Variants in MYO1H observed in about 807,000 individuals in gnomAD.
MYO1H encodes the protein unconventional myosin-Ih.
A neutral mutation model predicts 149.3 loss-of-function variants in MYO1H; 118 were observed. The observed-to-expected ratio is 0.79, with a 90% CI of 0.68 to 0.92. MYO1H has a LOEUF of 0.92. Among genes scored for constraint, MYO1H ranks in the 40% least tolerant of loss-of-function variants. MYO1H has a pLI of 0.00. For synonymous variants in MYO1H, 447 were observed against 465.2 expected (o/e 0.96, Z 0.50); for missense variants, 1,212 against 1,280.7 (o/e 0.95, Z 0.82).
In MYO1H at chr12:109,409,954, T is replaced by C. The variant is rs1366933856; in HGVS notation, c.1224-9T>C. 1 of 1,431,878 alleles carries C rather than the reference T, an allele frequency of 7.0e-7. No individual in the cohort carries two copies. Among genetic ancestry groups the C allele is most frequent in the Non-Finnish European group, 9.4e-7 (1 of 1,065,988 alleles). The allele number at this position is 1,431,878 out of a possible 1,614,324, so 88.7% of individuals were successfully genotyped here. ...TAACTTTAGTTACTTAAATCTTTTG[T>C]ATCTCTAGTTTTGAACAGTTCTGTA... On this transcript the variant is annotated splice_polypyrimidine_tract_variant and intron_variant, in intron 11 of 31. Transcript: ENST00000310903.
chr12:109,380,119 T>G (rs1869173438), intron 1 of MYO1H, among the ~76,000 whole-genome samples: 1 of 152,110 alleles, frequency 6.6e-6, no homozygotes, highest in Admixed American at 6.6e-5. Flanking sequence ...GGTTTCAAAC[T>G]CCTGGCCTCG....
chr12:109,407,967 A>AATC (rs201603477), intron 10 of MYO1H, 54 bp downstream of exon 10: 2 of 1,522,122 alleles, frequency 1.3e-6, no homozygotes, highest in African/African-American at 1.9e-5. Flanking sequence ...GATGTTTTAT[A>AATC]ATCATCGTTT....
intron 14 of MYO1H, among the ~76,000 whole-genome samples, chr12:109,413,631 C>T (rs907960746): frequency 6.6e-6 from 1 of 152,108 alleles, no homozygotes; most frequent in Non-Finnish European, 1.5e-5. Context: ...ATACTGTGGC[C>T]GAGCGTGCTG....
At chr12:109,378,996 C>T (rs775190796) in intron 1 of MYO1H, among the ~76,000 whole-genome samples, 1 of 152,160 alleles carries the variant, frequency 6.6e-6, no homozygotes, top group Non-Finnish European at 1.5e-5. Context: ...ATGTCTTTTC[C>T]ATTCCTTACT....
At chr12:109,429,528 TAG>T (rs922912830) in intron 19 of MYO1H, among the ~76,000 whole-genome samples, 25 of 152,330 alleles carry the variant, frequency 1.6e-4, no homozygotes, top group African/African-American at 6.0e-4. Flanking sequence ...ATAAGTAATT[TAG>T]AGATGATTTA....
chr12:109,339,382 A>G, the MYO1H span, among the ~76,000 whole-genome samples: 4 of 152,194 alleles, frequency 2.6e-5, no homozygotes, highest in Non-Finnish European at 4.4e-5. Flanking sequence ...AAAAATAAAA[A>G]TAAGTTAACA....
At chr12:109,431,954 A>T (rs1280177831) in intron 19 of MYO1H, among the ~76,000 whole-genome samples, 1 of 148,160 alleles carries the variant, frequency 6.7e-6, no homozygotes, top group Non-Finnish European at 1.5e-5. Context: ...AGTAGCTGGG[A>T]CTACAGCCGC....
chr12:109,441,423 C>T (rs532787679), intron 25 of MYO1H, among the ~76,000 whole-genome samples, 192 bp from the exon 26 acceptor site: 1 of 152,108 alleles, frequency 6.6e-6, no homozygotes, highest in East Asian at 1.9e-4. Flanking sequence ...GAAACGTCAA[C>T]CCAGTCTCTA....
chr12:109,415,227 A>C (rs1870852349), intron 14 of MYO1H, among the ~76,000 whole-genome samples: 1 of 152,120 alleles, frequency 6.6e-6, no homozygotes, highest in Non-Finnish European at 1.5e-5. Flanking sequence ...CTGTAATCCC[A>C]GCACTTTGGT....
intron 31 of MYO1H, chr12:109,446,185 C>T (rs527987840): frequency 1.0e-6 from 1 of 984,958 alleles, no homozygotes; most frequent in South Asian, 4.7e-5. Context: ...GGTTTGGGAA[C>T]CATGGCTACG....
chr12:109,442,984 T>C (rs1166007233), intron 27 of MYO1H, among the ~76,000 whole-genome samples: 1 of 123,152 alleles, frequency 8.1e-6, no homozygotes, highest in East Asian at 2.1e-4. Context: ...ATCCCCATCA[T>C]GCAGAGAGCC....
chr12:109,363,742 G>A (rs564644754), intron 1 of MYO1H, among the ~76,000 whole-genome samples: 1 of 152,130 alleles, frequency 6.6e-6, no homozygotes, highest in Non-Finnish European at 1.5e-5. Flanking sequence ...CGTCTTGCTG[G>A]CCAGTCCCAC....
chr12:109,351,498 TAAA>T (rs1868460224), intron 1 of MYO1H, among the ~76,000 whole-genome samples: 1 of 152,230 alleles, frequency 6.6e-6, no homozygotes, highest in South Asian at 2.1e-4. Context: ...AAAAGCCATC[TAAA>T]AGATTAGACA....
At chr12:109,411,810 T>C (rs1870688081) in intron 13 of MYO1H, 84 bp from the exon 14 acceptor site, 3 of 970,500 alleles carry the variant, frequency 3.1e-6, no homozygotes, top group Non-Finnish European at 4.7e-6. Flanking sequence ...TCCAGTACTT[T>C]CTGTTCCAGC....
At chr12:109,372,007 C>CT (rs901663279) in intron 1 of MYO1H, among the ~76,000 whole-genome samples, 2 of 151,988 alleles carry the variant, frequency 1.3e-5, no homozygotes, top group African/African-American at 4.8e-5. Context: ...GGGTGTTGGA[C>CT]TTTTATTGAT....
At chr12:109,399,932 C>T (rs1200313097) in intron 5 of MYO1H, among the ~76,000 whole-genome samples, 3 of 152,064 alleles carry the variant, frequency 2.0e-5, no homozygotes, top group Non-Finnish European at 4.4e-5. Context: ...TTCTAAAATC[C>T]AAAAGCTTTT....
intron 15 of MYO1H, among the ~76,000 whole-genome samples, chr12:109,417,007 CA>C (rs566837198): frequency 2.2e-3 from 272 of 124,326 alleles, no homozygotes; most frequent in Middle Eastern, 4.8e-3. Flanking sequence ...AACTCCATCT[CA>C]AAAAAAAAAA....
chr12:109,332,911 A>G, the MYO1H span, among the ~76,000 whole-genome samples: 2 of 152,118 alleles, frequency 1.3e-5, no homozygotes, highest in Non-Finnish European at 2.9e-5. Flanking sequence ...ACATTTTTCT[A>G]CACAAATGTT....
Position 109,407,776 on chromosome 12 carries a change from C to T in MYO1H, c.1036-18C>T, listed in dbSNP as rs777401137. On this transcript the variant is annotated intron_variant, in intron 9 of 31. Transcript: ENST00000310903. ...TCTTTTTTCCACCTATAATGATGCA[C>T]CTTGTCATTCTTTTCAGGTGATCTG... 3.7e-6 allele frequency: 6 copies of T among 1,612,726 alleles called. No homozygotes were observed. The highest frequency in any genetic ancestry group is 5.1e-6 in the Non-Finnish European group (6 of 1,179,198).
Sources: allele counts gnomAD v4.1 joint callset (sites outside exome capture counted in the v4.1 genomes callset), GRCh38; gene constraint gnomAD v4.1.1; transcripts MANE v1.5; gene names NCBI Gene and HGNC (gene_info 2026-07-23, HGNC 2026-07-21).